PRKCB: variants seen among roughly 807,000 people sequenced by gnomAD.
PRKCB encodes the protein protein kinase C beta.
PRKCB carries 13 observed loss-of-function variants against 81.5 expected under a neutral mutation model. That is an observed-to-expected ratio of 0.16 (90% CI 0.10 to 0.25). PRKCB has a LOEUF of 0.25. Among genes scored for constraint, PRKCB ranks in the 10% least tolerant of loss-of-function variants. The pLI is 1.00. For synonymous variants in PRKCB, 335 were observed against 321.4 expected (o/e 1.04, Z -0.45); for missense variants, 509 against 875.7 (o/e 0.58, Z 5.29).
chr16:23,905,274 G>A (rs540007102), intron 2 of PRKCB, among the ~76,000 whole-genome samples: 2 of 152,082 alleles, frequency 1.3e-5, no homozygotes, highest in African/African-American at 2.4e-5. Context: ...TTACTCATTC[G>A]TGTCGTTAAA....
chr16:24,177,194 A>T (rs1285942001), intron 12 of PRKCB, among the ~76,000 whole-genome samples: 1 of 152,188 alleles, frequency 6.6e-6, no homozygotes, highest in Non-Finnish European at 1.5e-5. Context: ...CGGTCAATTG[A>T]GTTGTGATTC....
chr16:24,140,327 C>A (rs1250160460), intron 9 of PRKCB, among the ~76,000 whole-genome samples: 5 of 152,170 alleles, frequency 3.3e-5, no homozygotes, highest in African/African-American at 9.7e-5. Flanking sequence ...AAGAATTCGC[C>A]AACAACCATG....
intron 8 of PRKCB, among the ~76,000 whole-genome samples, chr16:24,118,901 T>C (rs897436691): frequency 6.6e-6 from 1 of 152,090 alleles, no homozygotes; most frequent in East Asian, 1.9e-4. Context: ...TCCTGTCCTC[T>C]GAAGGCTCAC....
chr16:24,202,342 T>A (rs1387530894), intron 16 of PRKCB, among the ~76,000 whole-genome samples: 5 of 152,190 alleles, frequency 3.3e-5, no homozygotes, highest in Admixed American at 3.3e-4. Context: ...GTTTCCTCAG[T>A]TTGGTGCAAT....
chr16:24,109,060 G>T (rs1966628175), intron 7 of PRKCB, among the ~76,000 whole-genome samples: 1 of 149,662 alleles, frequency 6.7e-6, no homozygotes, highest in South Asian at 2.1e-4. Flanking sequence ...CCCAGATGGG[G>T]CGGCTGGCCG....
chr16:24,021,044 T>C (rs201571568), intron 3 of PRKCB, among the ~76,000 whole-genome samples: 97 of 77,956 alleles, frequency 1.2e-3, no homozygotes, highest in African/African-American at 4.0e-3. Context: ...TTCTTTCTCT[T>C]TCTTTCTTTC....
At chr16:23,934,323 T>G (rs1222177001) in intron 2 of PRKCB, among the ~76,000 whole-genome samples, 7 of 94,534 alleles carry the variant, frequency 7.4e-5, no homozygotes, top group Non-Finnish European at 7.2e-5. Context: ...AAGCTGTTTT[T>G]TTTTTTTTTT....
rs529999409 is a variant in PRKCB, at chr16:23,880,313, C to T, written c.205+42907C>T. Among the ~76,000 whole-genome samples the T allele has an allele frequency of 2.6e-5, 4 of 152,256 alleles. No homozygotes were observed. In the South Asian group the frequency reaches 6.2e-4, roughly 24 times the overall value. ...TGGGGAAAATGAGCTTTGAGAATCC[C>T]CCCACCACACACACAAGGCCCACAC... On this transcript the variant is annotated intron_variant, in intron 2 of 16. Transcript: ENST00000643927.
intron 15 of PRKCB, among the ~76,000 whole-genome samples, chr16:24,185,950 G>A (rs564519506): frequency 1.3e-5 from 2 of 152,234 alleles, no homozygotes; most frequent in African/African-American, 4.8e-5. Context: ...CTGCTCTGCT[G>A]TATGTGTTTA....
chr16:24,096,667 ATATATATATATAT>A (rs1399839666), intron 7 of PRKCB, among the ~76,000 whole-genome samples: 1,012 of 17,806 alleles, frequency 0.057, 33 homozygotes, highest in Non-Finnish European at 0.11. Flanking sequence ...AAAAAAAAAA[ATATATATATATAT>A]ATATATATAT....
At chr16:24,060,862 C>T (rs1876583138) in intron 5 of PRKCB, among the ~76,000 whole-genome samples, 1 of 152,180 alleles carries the variant, frequency 6.6e-6, no homozygotes, top group Admixed American at 6.5e-5. Flanking sequence ...TGCAGGAGTT[C>T]CTCCCAAGGT....
intron 2 of PRKCB, among the ~76,000 whole-genome samples, chr16:23,936,475 C>T (rs950173035): frequency 4.0e-5 from 6 of 151,866 alleles, no homozygotes; most frequent in Admixed American, 6.6e-5. Context: ...TACATTGGTG[C>T]GATCTTGGCT....
intron 2 of PRKCB, among the ~76,000 whole-genome samples, chr16:23,966,974 C>A (rs1027270612): frequency 1.3e-5 from 2 of 151,856 alleles, no homozygotes; most frequent in African/African-American, 4.8e-5. Context: ...TTGTAAAAAC[C>A]GTGAACTCTC....
chr16:24,006,205 G>A (rs1283078761), intron 3 of PRKCB, among the ~76,000 whole-genome samples: 1 of 152,174 alleles, frequency 6.6e-6, no homozygotes, highest in Non-Finnish European at 1.5e-5. Flanking sequence ...TCTCGTGGGC[G>A]ATACCAAATG....
intron 5 of PRKCB, among the ~76,000 whole-genome samples, chr16:24,086,583 G>A (rs1326209222): frequency 2.6e-5 from 4 of 152,166 alleles, no homozygotes; most frequent in East Asian, 1.9e-4. Context: ...GGAATAGGAT[G>A]GGGTCTCTGA....
intron 2 of PRKCB, among the ~76,000 whole-genome samples, chr16:23,944,664 C>T (rs1170570336): frequency 1.3e-5 from 2 of 152,188 alleles, no homozygotes; most frequent in East Asian, 3.9e-4. Context: ...GCCAGGTCCC[C>T]CTCCTGCTGC....
At chr16:24,133,383 C>T (rs1003965467) in intron 9 of PRKCB, among the ~76,000 whole-genome samples, 12 of 152,246 alleles carry the variant, frequency 7.9e-5, no homozygotes, top group Admixed American at 5.2e-4. Flanking sequence ...TCATTGGAAC[C>T]GTGAGTCATC....
intron 5 of PRKCB, among the ~76,000 whole-genome samples, chr16:24,087,628 G>A (rs1395430787): frequency 6.6e-6 from 1 of 152,192 alleles, no homozygotes; most frequent in Non-Finnish European, 1.5e-5. Flanking sequence ...AATAAGAGAT[G>A]CTCCTGATTC....
chr16:23,860,439 A>T (rs1379706442), intron 2 of PRKCB, among the ~76,000 whole-genome samples: 1 of 152,148 alleles, frequency 6.6e-6, no homozygotes, highest in Non-Finnish European at 1.5e-5. Context: ...AGGCAACTGG[A>T]AGTCATGAGA....
Sources: allele counts gnomAD v4.1 joint callset (sites outside exome capture counted in the v4.1 genomes callset), GRCh38; gene constraint gnomAD v4.1.1; transcripts MANE v1.5; gene names NCBI Gene and HGNC (gene_info 2026-07-23, HGNC 2026-07-21).